The following NMBR variants were observed in gnomAD, a reference collection of about 807,000 sequenced individuals.
The protein encoded by NMBR is neuromedin B receptor, also known as neuromedin-B receptor.
In NMBR, 16 loss-of-function variants were observed where a neutral mutation model predicts 20.5. That is an observed-to-expected ratio of 0.78 (90% CI 0.53 to 1.19). The LOEUF is 1.19. Ranked by LOEUF, NMBR falls within the 50% of genes most tolerant of loss-of-function variation. The probability of loss-of-function intolerance (pLI) is 0.00; values close to 1 mark genes in which losing one functional copy is unlikely to be tolerated. For missense variants in NMBR, 582 were observed against 499.1 expected, an observed-to-expected ratio of 1.17 and a Z score of -1.58; for synonymous variants, 212 against 196.6, an observed-to-expected ratio of 1.08 and a Z score of -0.65.
chr6:142,093,886 C>T (rs1193081641), intron 1 of NMBR, among the ~76,000 whole-genome samples: 7 of 152,022 alleles, frequency 4.6e-5, no homozygotes, highest in African/African-American at 1.5e-4. Flanking sequence ...TTTTGATTTG[C>T]ATTTCTCTGA....
At chr6:142,123,954 T>A (rs1219441087) in intron 1 of NMBR, among the ~76,000 whole-genome samples, 2 of 151,812 alleles carry the variant, frequency 1.3e-5, no homozygotes. Flanking sequence ...GCAGAAGAGA[T>A]TAGTGAAATT....
At chr6:142,107,705 G>C (rs979419338) in intron 1 of NMBR, among the ~76,000 whole-genome samples, 1 of 151,894 alleles carries the variant, frequency 6.6e-6, no homozygotes, top group Non-Finnish European at 1.5e-5. Flanking sequence ...CCCTTATACC[G>C]GAAAAATGTA....
At chr6:142,093,679 T>G (rs1344262219) in intron 1 of NMBR, among the ~76,000 whole-genome samples, 5 of 152,134 alleles carry the variant, frequency 3.3e-5, no homozygotes, top group South Asian at 2.1e-4. Context: ...GTAATGGGAT[T>G]GCTGGGTCAA....
Position 142,075,523 on chromosome 6 carries a change from G to T in NMBR, c.*125C>A. Reference sequence around the variant, plus strand: ...GTCTAGTGTAGAGAAAAAATGTCTTGCATTTTCTGAGTCAATCATGCAATT... The same window carrying T: ...GTCTAGTGTAGAGAAAAAATGTCTTTCATTTTCTGAGTCAATCATGCAATT... On this transcript the variant is annotated 3_prime_UTR_variant, in exon 4 of 4. Transcript: ENST00000258042. The T allele has an allele frequency of 2.3e-6, 2 of 855,492 alleles. No homozygotes were observed. The highest frequency in any genetic ancestry group is 3.6e-6 in the Non-Finnish European group (2 of 559,728). 53.0% of individuals were successfully genotyped at this position (855,492 alleles called of 1,614,324 possible).
chr6:142,097,471 T>C (rs150041316), intron 1 of NMBR, among the ~76,000 whole-genome samples: 3 of 152,156 alleles, frequency 2.0e-5, no homozygotes, highest in Admixed American at 1.3e-4. Flanking sequence ...AAATCCATCA[T>C]AAATAAAGTC....
chr6:142,091,621 C>T (rs774582969), intron 1 of NMBR, among the ~76,000 whole-genome samples: 2 of 152,102 alleles, frequency 1.3e-5, no homozygotes, highest in Non-Finnish European at 2.9e-5. Context: ...GATAAAAATA[C>T]TTGAGTCTTA....
At chr6:142,116,696 G>A (rs1055025103) in intron 1 of NMBR, among the ~76,000 whole-genome samples, 3 of 151,914 alleles carry the variant, frequency 2.0e-5, no homozygotes, top group Admixed American at 2.0e-4. Flanking sequence ...TTTTAGCCAG[G>A]TATTATTTAG....
chr6:142,120,874 CCA>C (rs1347099716), intron 1 of NMBR, among the ~76,000 whole-genome samples: 2 of 151,898 alleles, frequency 1.3e-5, no homozygotes, highest in East Asian at 3.9e-4. Context: ...TCAAAAATTA[CCA>C]GTTACAGAGT....
rs1172506867 is a variant in NMBR, at chr6:142,075,943, T to C, written c.878A>G (p.Tyr293Cys). Residue 293 changes from tyrosine (Y) to cysteine (C), a missense_variant, in exon 4 of 4, where the codon TAT becomes TGT. Physicochemically the swap from Tyr to Cys is radical, Grantham distance 194. Transcript: ENST00000258042. ...HILYMYRSFN[Y>C]NEIDPSLGHM... ...GCCTAGAGATGGATCAATCTCATTA[T>C]AGTTGAAAGACCGATACATGTAAAG... The C allele has an allele frequency of 1.2e-6, 2 of 1,614,016 alleles. No homozygotes were observed. Among genetic ancestry groups the C allele is most frequent in the African/African-American group, 2.7e-5 (2 of 75,036 alleles).
At chr6:142,083,132 T>C (rs1016991003) in intron 2 of NMBR, among the ~76,000 whole-genome samples, 1 of 152,182 alleles carries the variant, frequency 6.6e-6, no homozygotes, top group African/African-American at 2.4e-5. Context: ...AGAGATAAAC[T>C]AGAAGTGTTC....
intron 1 of NMBR, chr6:142,134,486 A>G (rs747582441): frequency 2.1e-5 from 10 of 477,626 alleles, no homozygotes; most frequent in Non-Finnish European, 3.7e-5. Context: ...TTTTAGTTAC[A>G]TATTGATTAA....
intron 1 of NMBR, among the ~76,000 whole-genome samples, chr6:142,091,418 T>A (rs1227859531): frequency 6.6e-6 from 1 of 152,084 alleles, no homozygotes; most frequent in African/African-American, 2.4e-5. Flanking sequence ...AGACATGGGG[T>A]CTCACTTTGT....
intron 1 of NMBR, among the ~76,000 whole-genome samples, chr6:142,117,754 A>G (rs1206979332): frequency 6.6e-6 from 1 of 151,984 alleles, no homozygotes; most frequent in Non-Finnish European, 1.5e-5. Flanking sequence ...AAAAAATCGT[A>G]CAAAATATGA....
At chr6:142,084,439 G>A (rs918444272) in intron 2 of NMBR, among the ~76,000 whole-genome samples, 13 of 151,960 alleles carry the variant, frequency 8.6e-5, no homozygotes, top group Non-Finnish European at 1.9e-4. Flanking sequence ...TTGGCTATTT[G>A]GTATCAGAAG....
chr6:142,112,526 C>T (rs2114590885), intron 1 of NMBR, among the ~76,000 whole-genome samples: 1 of 152,304 alleles, frequency 6.6e-6, no homozygotes, highest in South Asian at 2.1e-4. Flanking sequence ...CTGCACTCCT[C>T]AAATGAGAGA....
intron 1 of NMBR, among the ~76,000 whole-genome samples, chr6:142,099,178 A>G (rs1466716370): frequency 6.6e-6 from 1 of 152,216 alleles, no homozygotes; most frequent in Non-Finnish European, 1.5e-5. Context: ...TCACAGACCT[A>G]TATGTAAACC....
intron 1 of NMBR, among the ~76,000 whole-genome samples, chr6:142,128,626 C>G (rs1778082647): frequency 6.6e-6 from 1 of 152,026 alleles, no homozygotes; most frequent in Non-Finnish European, 1.5e-5. Flanking sequence ...TTGAAATGAT[C>G]ATGTGGTTTT....
At chr6:142,102,338 C>T (rs1057280703) in intron 1 of NMBR, among the ~76,000 whole-genome samples, 6 of 141,704 alleles carry the variant, frequency 4.2e-5, no homozygotes, top group Non-Finnish European at 3.0e-5. Flanking sequence ...TGCAAGGAGC[C>T]AAGATTGGGC....
intron 2 of NMBR, among the ~76,000 whole-genome samples, chr6:142,084,628 G>C (rs1487950405): frequency 6.6e-6 from 1 of 152,072 alleles, no homozygotes; most frequent in Non-Finnish European, 1.5e-5. Flanking sequence ...TTACAGTTTA[G>C]CACTAGGAAT....
Sources: gnomAD v4.1 joint callset for allele counts (sites outside exome capture counted in the v4.1 genomes callset) on GRCh38, gnomAD v4.1.1 for gene constraint, MANE v1.5 for transcripts, NCBI Gene and HGNC (gene_info 2026-07-23, HGNC 2026-07-21) for gene names.